PAK1: variants seen among roughly 807,000 people sequenced by gnomAD.
PAK1 encodes p21 (RAC1) activated kinase 1, also known as serine/threonine-protein kinase PAK 1.
Under a neutral mutation model 67.4 loss-of-function variants are expected in PAK1, and 29 were observed. That is an observed-to-expected ratio of 0.43 (90% CI 0.32 to 0.59). The LOEUF (loss-of-function observed/expected upper bound fraction) is 0.59. Among genes scored for constraint, PAK1 ranks in the 20% least tolerant of loss-of-function variants. The pLI, the probability that PAK1 is intolerant of heterozygous loss-of-function variation, is 0.07. For synonymous variants in PAK1, 223 were observed against 237.4 expected (o/e 0.94, Z 0.56); for missense variants, 337 against 670.7 (o/e 0.50, Z 5.50).
chr11:77,492,354 A>G, the PAK1 span, among the ~76,000 whole-genome samples: 1 of 140,706 alleles, frequency 7.1e-6, no homozygotes, highest in Non-Finnish European at 1.5e-5. Context: ...AACAAAAACA[A>G]CAACAAAAAA....
At chr11:77,441,992 TAGAAAAATG>T (rs1956376564) in intron 1 of PAK1, among the ~76,000 whole-genome samples, 1 of 152,100 alleles carries the variant, frequency 6.6e-6, no homozygotes, top group South Asian at 2.1e-4. Flanking sequence ...AAATTAATAG[TAGAAAAATG>T]AGACCCAGAA....
intron 1 of PAK1, among the ~76,000 whole-genome samples, chr11:77,438,121 C>G (rs1956208355): frequency 6.6e-6 from 1 of 152,142 alleles, no homozygotes; most frequent in Non-Finnish European, 1.5e-5. Flanking sequence ...GTTAAAATAC[C>G]TTCCCAAGGA....
At chr11:77,472,411 T>A (rs1468445055) in intron 1 of PAK1, among the ~76,000 whole-genome samples, 1 of 152,126 alleles carries the variant, frequency 6.6e-6, no homozygotes, top group Non-Finnish European at 1.5e-5. Context: ...TGGGAAGAAA[T>A]CAGCTCTGTC....
chr11:77,453,516 TA>T (rs35089028), intron 1 of PAK1, among the ~76,000 whole-genome samples: 34,989 of 139,134 alleles, frequency 0.25, 4,482 homozygotes, highest in Non-Finnish European at 0.32. Context: ...TGAGATATAT[TA>T]AAAAAAAAAA....
intron 1 of PAK1, among the ~76,000 whole-genome samples, chr11:77,401,449 A>G (rs896386298): frequency 3.3e-5 from 5 of 152,196 alleles, no homozygotes; most frequent in Non-Finnish European, 7.3e-5. Flanking sequence ...TAAAACGCAA[A>G]CAAGACTACC....
intron 1 of PAK1, among the ~76,000 whole-genome samples, chr11:77,457,207 G>A (rs1174549922): frequency 6.6e-6 from 1 of 152,178 alleles, no homozygotes; most frequent in East Asian, 1.9e-4. Context: ...ACAGAGAAGA[G>A]AAAATTATAT....
At chr11:77,369,444 CTTT>C (rs147630042) in intron 5 of PAK1, among the ~76,000 whole-genome samples, 21 of 86,726 alleles carry the variant, frequency 2.4e-4, no homozygotes, top group African/African-American at 8.2e-4. Context: ...TTATACATTT[CTTT>C]TTTTTTTTTT....
chr11:77,490,891 G>A, the PAK1 span, among the ~76,000 whole-genome samples: 1 of 152,186 alleles, frequency 6.6e-6, no homozygotes, highest in Non-Finnish European at 1.5e-5. Context: ...GATTAAGGGT[G>A]GTGCAAGATG....
chr11:77,337,786 A>C (rs532590090), intron 11 of PAK1, among the ~76,000 whole-genome samples: 112 of 152,314 alleles, frequency 7.4e-4, no homozygotes, highest in African/African-American at 2.4e-3. Context: ...AGAGGAAAAC[A>C]ACAAATAAGG....
intron 1 of PAK1, among the ~76,000 whole-genome samples, chr11:77,442,723 T>C (rs867330248): frequency 2.0e-5 from 3 of 152,170 alleles, no homozygotes; most frequent in Non-Finnish European, 4.4e-5. Flanking sequence ...GTTTTGCAGG[T>C]AATTTGTCTA....
At chr11:77,353,948 A>T (rs1945641378) in intron 7 of PAK1, among the ~76,000 whole-genome samples, 1 of 152,188 alleles carries the variant, frequency 6.6e-6, no homozygotes, top group African/African-American at 2.4e-5. Flanking sequence ...GCTCTCAAGA[A>T]GGTCAATTTC....
chr11:77,418,084 A>G (rs1013564826), intron 1 of PAK1, among the ~76,000 whole-genome samples: 2 of 152,128 alleles, frequency 1.3e-5, no homozygotes, highest in Non-Finnish European at 2.9e-5. Flanking sequence ...AAACTGCTCT[A>G]AAAAATAAAA....
Position 77,332,787 on chromosome 11 carries a change from C to T in PAK1, c.1494G>A (p.Leu498=), listed in dbSNP as rs763727300. Residue 498 remains leucine (L), a synonymous_variant, in exon 14 of 15, where the codon CTG becomes CTA. Coordinates refer to ENST00000356341, the MANE Select transcript of PAK1 (RefSeq NM_002576.5). ...EKLSAIFRDF[L]NRCLEMDVEK... ...CCACATCCATCTCGAGACAGCGGTTCAGAAAGTCCCGGAAGATAGCTGACA... is the reference window on the plus strand; with the variant it reads ...CCACATCCATCTCGAGACAGCGGTTTAGAAAGTCCCGGAAGATAGCTGACA... 1 of 1,613,858 alleles carries T rather than the reference C, an allele frequency of 6.2e-7. No homozygotes were observed. The highest frequency in any genetic ancestry group is 8.5e-7 in the Non-Finnish European group (1 of 1,179,774).
At chr11:77,492,219 C>T in the PAK1 span, among the ~76,000 whole-genome samples, 1 of 152,082 alleles carries the variant, frequency 6.6e-6, no homozygotes, top group Non-Finnish European at 1.5e-5. Flanking sequence ...CCTGTAATCC[C>T]AGCTACTCGG....
At chr11:77,359,095 C>A (rs928525174) in intron 5 of PAK1, 78 bp from the exon 6 acceptor site, 3 of 1,340,216 alleles carry the variant, frequency 2.2e-6, no homozygotes, top group Non-Finnish European at 3.1e-6. Flanking sequence ...AAACCTCCCA[C>A]GAGAAACCCC....
At chr11:77,523,346 A>G in the PAK1 span, among the ~76,000 whole-genome samples, 3 of 152,002 alleles carry the variant, frequency 2.0e-5, no homozygotes, top group African/African-American at 7.3e-5. Flanking sequence ...AAATAAAACA[A>G]TTTTTGGCTA....
intron 13 of PAK1, among the ~76,000 whole-genome samples, chr11:77,335,252 T>C (rs1207222563): frequency 6.6e-6 from 1 of 152,196 alleles, no homozygotes; most frequent in Non-Finnish European, 1.5e-5. Flanking sequence ...ATACCAACTA[T>C]ATATTATCTA....
the PAK1 span, among the ~76,000 whole-genome samples, chr11:77,479,711 G>A: frequency 7.0e-6 from 1 of 142,318 alleles, no homozygotes; most frequent in African/African-American, 2.6e-5. Flanking sequence ...GGGCTCAAGC[G>A]ATTCTCATGC....
At chr11:77,416,117 T>A (rs1954938201) in intron 1 of PAK1, among the ~76,000 whole-genome samples, 1 of 151,988 alleles carries the variant, frequency 6.6e-6, no homozygotes, top group Admixed American at 6.5e-5. Context: ...TAGCTGGAAT[T>A]ACAGGCGTGT....
Sources: allele counts gnomAD v4.1 joint callset (sites outside exome capture counted in the v4.1 genomes callset), GRCh38; gene constraint gnomAD v4.1.1; transcripts MANE v1.5; gene names NCBI Gene and HGNC (gene_info 2026-07-23, HGNC 2026-07-21).